STPG4: variants seen among roughly 807,000 people sequenced by gnomAD.
STPG4 encodes protein STPG4.
A neutral mutation model predicts 31.5 loss-of-function variants in STPG4; 41 were observed. The observed-to-expected ratio is 1.30, with a 90% CI of 1.01 to 1.69. The LOEUF (loss-of-function observed/expected upper bound fraction) is 1.69, where lower values mean the gene tolerates loss of function less well. STPG4 is among the 40% of genes most tolerant of loss of function. The probability of loss-of-function intolerance (pLI) is 0.00; values close to 1 mark genes in which losing one functional copy is unlikely to be tolerated. For synonymous variants in STPG4, 141 were observed against 103.0 expected, an observed-to-expected ratio of 1.37 and a Z score of -2.24; for missense variants, 375 against 293.4, an observed-to-expected ratio of 1.28 and a Z score of -2.03.
At chr2:47,106,060 A>G (rs2103746887) in intron 5 of STPG4, among the ~76,000 whole-genome samples, 1 of 151,822 alleles carries the variant, frequency 6.6e-6, no homozygotes, top group East Asian at 1.9e-4. Flanking sequence ...AGAAAAAGAA[A>G]GAGAAAGAAA....
At chr2:47,127,109 A>G (rs1009000097) in intron 5 of STPG4, among the ~76,000 whole-genome samples, 4 of 151,410 alleles carry the variant, frequency 2.6e-5, no homozygotes, top group African/African-American at 9.7e-5. Context: ...TTCTACTTCA[A>G]TCTCTCTCTC....
chr2:47,108,040 C>T (rs1218237395), intron 5 of STPG4, among the ~76,000 whole-genome samples: 1 of 151,824 alleles, frequency 6.6e-6, no homozygotes, highest in African/African-American at 2.4e-5. Context: ...GTGAATGCAC[C>T]AATCCACACT....
intron 5 of STPG4, among the ~76,000 whole-genome samples, chr2:47,096,987 G>T (rs921894016): frequency 6.6e-6 from 1 of 152,148 alleles, no homozygotes; most frequent in Non-Finnish European, 1.5e-5. Flanking sequence ...CAAGTGATAT[G>T]AGGAAGCTCC....
intron 5 of STPG4, among the ~76,000 whole-genome samples, chr2:47,095,978 C>A (rs1685661753): frequency 6.6e-6 from 1 of 152,164 alleles, no homozygotes; most frequent in Admixed American, 6.5e-5. Context: ...GCAGAACAGC[C>A]CATAGGAGGA....
chr2:47,146,329 A>G (rs1275615875), intron 3 of STPG4, among the ~76,000 whole-genome samples: 1 of 152,216 alleles, frequency 6.6e-6, no homozygotes, highest in Non-Finnish European at 1.5e-5. Flanking sequence ...TACAATGCAC[A>G]GAACAGCCCC....
At chr2:47,143,328 G>GT (rs1686754764) in intron 3 of STPG4, among the ~76,000 whole-genome samples, 2 of 152,110 alleles carry the variant, frequency 1.3e-5, no homozygotes, top group Admixed American at 6.6e-5. Context: ...CCAATATTGG[G>GT]TATCAATGTA....
chr2:47,126,242 T>A (rs1686362821), intron 5 of STPG4, among the ~76,000 whole-genome samples: 1 of 152,112 alleles, frequency 6.6e-6, no homozygotes, highest in Non-Finnish European at 1.5e-5. Context: ...TAGGGTTCTT[T>A]CTTCTTTCTT....
chr2:47,099,336 C>A (rs1257793972), intron 5 of STPG4, among the ~76,000 whole-genome samples: 1 of 152,350 alleles, frequency 6.6e-6, no homozygotes, highest in East Asian at 1.9e-4. Flanking sequence ...ACCCTCTCCT[C>A]CCACTTCCCC....
At chr2:47,116,630 G>A (rs568134115) in intron 5 of STPG4, among the ~76,000 whole-genome samples, 1 of 152,134 alleles carries the variant, frequency 6.6e-6, no homozygotes, top group East Asian at 1.9e-4. Flanking sequence ...CCCTCTTTTC[G>A]GTTCCTTTTC....
chr2:47,136,807 T>C (rs1490931953), intron 3 of STPG4, among the ~76,000 whole-genome samples: 1 of 152,238 alleles, frequency 6.6e-6, no homozygotes, highest in Admixed American at 6.5e-5. Flanking sequence ...TATACCAGTA[T>C]ATAGAAAAGT....
chr2:47,090,915 G>A lies in STPG4; in HGVS notation c.520-541C>T, dbSNP rs540531268. 2.0e-4 allele frequency among the ~76,000 whole-genome samples: 30 copies of A among 152,238 alleles called. 1 individual carries two copies. The East Asian group carries it at 5.8e-3, about 29-fold the overall frequency. ...TTTTAAAAAGACAATCACTCCAGTA[G>A]GAAAATTAGCAACAGGCCATTCATG... On this transcript the variant is annotated intron_variant, in intron 5 of 6. Coordinates refer to ENST00000445927, the MANE Select transcript of STPG4 (RefSeq NM_001163561.2).
chr2:47,115,714 G>A (rs1331580053), intron 5 of STPG4, among the ~76,000 whole-genome samples: 3 of 138,218 alleles, frequency 2.2e-5, no homozygotes, highest in Admixed American at 8.4e-5. Flanking sequence ...GTGCAATGAC[G>A]CGATCTCGGC....
intron 5 of STPG4, among the ~76,000 whole-genome samples, chr2:47,093,857 G>T (rs1041233059): frequency 8.5e-5 from 13 of 152,250 alleles, no homozygotes; most frequent in South Asian, 2.1e-4. Flanking sequence ...GGCATGCTGC[G>T]GCAAAGCCGT....
intron 3 of STPG4, among the ~76,000 whole-genome samples, chr2:47,141,719 C>A (rs955203831): frequency 6.6e-6 from 1 of 152,098 alleles, no homozygotes; most frequent in East Asian, 1.9e-4. Context: ...TGGCACCCTT[C>A]CTATGGTTTA....
chr2:47,104,812 A>T (rs1200171672), intron 5 of STPG4, among the ~76,000 whole-genome samples: 1 of 152,000 alleles, frequency 6.6e-6, no homozygotes. Flanking sequence ...CAAGGTGTCT[A>T]GGTCGAAGGC....
At chr2:47,120,744 C>CT (rs1182406322) in intron 5 of STPG4, among the ~76,000 whole-genome samples, 1 of 151,952 alleles carries the variant, frequency 6.6e-6, no homozygotes. Flanking sequence ...CTACTGTTAT[C>CT]TTTTTTTTAT....
At position 47,132,917 on chromosome 2, in the gene STPG4, A is replaced by G. The variant is rs181389467; in HGVS notation, c.400-2657T>C. Among the ~76,000 whole-genome samples, 21 of 152,310 alleles carry G rather than the reference A, an allele frequency of 1.4e-4. No individual in the cohort carries two copies. In the East Asian group the frequency reaches 3.5e-3, roughly 25 times the overall value. On this transcript the variant is annotated intron_variant, in intron 3 of 6. Coordinates refer to ENST00000445927, the MANE Select transcript of STPG4 (RefSeq NM_001163561.2). ...ATAATGAAGTGCTCATGGAAAAACT[A>G]TTAGCATTACTCTGGAAAGGAATAT...
At chr2:47,149,730 G>A (rs938179066) in intron 3 of STPG4, among the ~76,000 whole-genome samples, 1 of 152,196 alleles carries the variant, frequency 6.6e-6, no homozygotes, top group African/African-American at 2.4e-5. Flanking sequence ...AAGTTATGAA[G>A]ATTGATACTG....
chr2:47,092,845 T>G (rs997420480), intron 5 of STPG4, among the ~76,000 whole-genome samples: 2 of 151,466 alleles, frequency 1.3e-5, no homozygotes, highest in African/African-American at 4.9e-5. Context: ...CAGGCTGGAG[T>G]GCAGTCACGC....
Sources: allele counts gnomAD v4.1 joint callset (sites outside exome capture counted in the v4.1 genomes callset), GRCh38; gene constraint gnomAD v4.1.1; transcripts MANE v1.5; gene names NCBI Gene and HGNC (gene_info 2026-07-23, HGNC 2026-07-21).